TSPAN17: variants seen among roughly 807,000 people sequenced by gnomAD.
TSPAN17 encodes tetraspanin 17, also known as tetraspanin-17.
Under a neutral mutation model 40.5 loss-of-function variants are expected in TSPAN17, and 33 were observed. The observed-to-expected ratio is 0.81, with a 90% confidence interval of 0.62 to 1.09. The LOEUF is 1.09. Ranked by LOEUF, TSPAN17 falls within the 50% of genes least tolerant of loss-of-function variation. The pLI, the probability that TSPAN17 is intolerant of heterozygous loss-of-function variation, is 0.00. For synonymous variants in TSPAN17, 166 were observed against 169.4 expected (o/e 0.98, Z 0.15); for missense variants, 365 against 416.8 (o/e 0.88, Z 1.08).
rs1761068886 is a variant in TSPAN17 at position 176,654,297 on chromosome 5, G to T, written c.457-598G>T. ...CCTGCGCTGCTGCTCAGTGAGGGCT[G>T]TGTGCACCCGTGTGCCCCACAAGAC... On this transcript the variant is annotated intron_variant, in intron 4 of 8. Transcript: ENST00000508164. This position sits in a 1 kb window ranked among gnomAD's most constrained non-coding sequence, Gnocchi z 4.3. 1.9e-5 allele frequency: 3 copies of T among 154,214 alleles called. No individual in the cohort carries two copies. The highest frequency in any genetic ancestry group is 7.2e-5 in the African/African-American group (3 of 41,498). The allele number at this position is 154,214 out of a possible 1,614,324, so 9.6% of individuals were successfully genotyped here.
chr5:176,650,039 G>T lies in TSPAN17; in HGVS notation c.88-1577G>T, dbSNP rs1760905793. ...GTTTGCATCTGAGGTTTCCTTGTCT[G>T]CTCACTGACTGTCCATCTCCCCTGC... is the stretch of plus-strand genomic sequence containing the variant. On this transcript the variant is annotated intron_variant, in intron 1 of 8. Transcript: ENST00000508164. This position sits in a 1 kb window ranked among gnomAD's most constrained non-coding sequence, Gnocchi z 4.0. Among the ~76,000 whole-genome samples, 1 of 152,178 alleles carries T rather than the reference G, an allele frequency of 6.6e-6. No homozygotes were observed. Among genetic ancestry groups the T allele is most frequent in the Non-Finnish European group, 1.5e-5 (1 of 68,034 alleles).
chr5:176,656,793 T>G lies in TSPAN17; in HGVS notation c.724T>G (p.Phe242Val). The change falls in exon 7 of 9, where the codon TTC becomes GTC. Residue 242 changes from phenylalanine (F) to valine (V), a missense_variant. Transcript: ENST00000508164. ...QDNLIVVAGV[F>V]MGIALLQIFG... is the part of the protein sequence containing the mutation. Reference sequence around the variant, plus strand: ...CAACCTGATTGTGGTGGCGGGAGTCTTCATGGGCATCGCCCTCCTCCAGGT... The same window carrying G: ...CAACCTGATTGTGGTGGCGGGAGTCGTCATGGGCATCGCCCTCCTCCAGGT... 1 of 1,614,190 alleles carries G rather than the reference T, an allele frequency of 6.2e-7. No individual in the cohort carries two copies. Among genetic ancestry groups the G allele is most frequent in the East Asian group, 2.2e-5 (1 of 44,876 alleles).
At position 176,654,993 on chromosome 5, in the gene TSPAN17, C is replaced by G. The variant is rs1761098185; in HGVS notation, c.555C>G (p.Pro185=). ...CCAGCCGGGAGCGCTGCGGGGTGCC[C>G]TTCTCCTGCTGCGTCAGGGACCCTG... ...LNPSRERCGV[P]FSCCVRDPAE... is the part of the protein sequence containing the mutation. Residue 185 remains proline (P), a synonymous_variant, in exon 5 of 9, where the codon CCC becomes CCG. Coordinates refer to ENST00000508164, the MANE Select transcript of TSPAN17 (RefSeq NM_130465.5). The surrounding 1 kb of genome is among the most constrained non-coding windows in gnomAD (Gnocchi z 4.3). The G allele has an allele frequency of 1.9e-6, 3 of 1,609,340 alleles. No individual in the cohort carries two copies. The East Asian group carries it at 6.7e-5, about 36-fold the overall frequency.
In TSPAN17 at chr5:176,650,765, C is replaced by T. The variant is rs1425301249; in HGVS notation, c.88-851C>T. On this transcript the variant is annotated intron_variant, in intron 1 of 8. Coordinates refer to ENST00000508164, the MANE Select transcript of TSPAN17 (RefSeq NM_130465.5). This position sits in a 1 kb window ranked among gnomAD's most constrained non-coding sequence, Gnocchi z 4.0. ...ATAAAGCAGGTGGGTGGGGAGGTCGCAGGAGGTGGGGTCATGGCCCTGGGC... is the reference window on the plus strand; with the variant it reads ...ATAAAGCAGGTGGGTGGGGAGGTCGTAGGAGGTGGGGTCATGGCCCTGGGC... Among the ~76,000 whole-genome samples the T allele has an allele frequency of 6.6e-6, 1 of 152,108 alleles. No homozygotes were observed. The highest frequency in any genetic ancestry group is 2.4e-5 in the African/African-American group (1 of 41,426).
Position 176,659,003 on chromosome 5 carries a change from G to A in TSPAN17, c.*1305G>A, listed in dbSNP as rs75835282. 2,271 of 152,406 alleles carry A rather than the reference G, an allele frequency of 0.015. 77 individuals are homozygous for A. The highest frequency in any genetic ancestry group is 0.052 in the African/African-American group (2,146 of 41,588). 9.4% of individuals were successfully genotyped at this position (152,406 alleles called of 1,614,324 possible). The stretch of plus-strand genomic sequence containing the variant: ...CCAGTGTCCTGGGCCCCTGACAGGC[G>A]CTGGCTGTGAGTGGTTTGTACATGC... On this transcript the variant is annotated 3_prime_UTR_variant, in exon 9 of 9. Coordinates refer to ENST00000508164, the MANE Select transcript of TSPAN17 (RefSeq NM_130465.5).
intron 5 of TSPAN17, 148 bp downstream of exon 5, chr5:176,655,168 T>A: frequency 9.7e-7 from 1 of 1,032,302 alleles, no homozygotes; most frequent in South Asian, 1.7e-5. Context: ...CTGAGGCCTG[T>A]TGGGGCGCGG....
chr5:176,653,725 G>A, intron 4 of TSPAN17: 1 of 152,260 alleles, frequency 6.6e-6, no homozygotes, highest in Non-Finnish European at 1.5e-5. Context: ...AAGCAGAGCT[G>A]GTGCCTGCTT....
rs1371394512 is a variant in TSPAN17 at position 176,656,734 on chromosome 5, G to T, written c.665G>T (p.Gly222Val). ...CAGCAGGGCTTCATCCACACCAAAGGCTGCGTGGGCCAGTTTGAGAAGTGG... is the reference window on the plus strand; with the variant it reads ...CAGCAGGGCTTCATCCACACCAAAGTCTGCGTGGGCCAGTTTGAGAAGTGG... ...LEQQGFIHTK[G>V]CVGQFEKWLQ... The change falls in exon 7 of 9, where the codon GGC becomes GTC. Residue 222 changes from glycine to valine, a missense_variant. Physicochemically the swap from Gly to Val is moderately radical, Grantham distance 109. Transcript: ENST00000508164. The T allele has an allele frequency of 1.9e-6, 3 of 1,614,182 alleles. No homozygotes were observed. Among genetic ancestry groups the T allele is most frequent in the East Asian group, 2.2e-5 (1 of 44,880 alleles).
At position 176,657,725 on chromosome 5, in the gene TSPAN17, G is replaced by A; in HGVS notation, c.*27G>A. On this transcript the variant is annotated 3_prime_UTR_variant, in exon 9 of 9. Transcript: ENST00000508164. ...TTTCACATAAAAGTCCAGATCCACA[G>A]CTTCTCTTGAAGAATGACCACCTGG... The A allele has an allele frequency of 1.3e-6, 2 of 1,538,658 alleles. No individual in the cohort carries two copies. The highest frequency in any genetic ancestry group is 1.7e-6 in the Non-Finnish European group (2 of 1,147,022).
Position 176,647,624 on chromosome 5 carries a change from C to T in TSPAN17, c.9C>T (p.Gly3=), listed in dbSNP as rs1433648063. 5.1e-6 allele frequency: 8 copies of T among 1,579,034 alleles called. No individual in the cohort carries two copies. In the African/African-American group the frequency reaches 5.4e-5, roughly 11 times the overall value. Residue 3 remains glycine (G), a synonymous_variant, in exon 1 of 9, where the codon GGC becomes GGT. Transcript: ENST00000508164. The part of the protein sequence containing the change: MP[G]KHQHFQEPEV... The stretch of plus-strand genomic sequence containing the variant: ...GCGGGTGGCCGCTCACCATGCCCGG[C>T]AAGCACCAGCATTTCCAGGAACCTG...
intron 1 of TSPAN17, among the ~76,000 whole-genome samples, chr5:176,649,212 G>C (rs1390751788): frequency 6.6e-6 from 1 of 152,058 alleles, no homozygotes; most frequent in Non-Finnish European, 1.5e-5. Context: ...AAGCTGGGAT[G>C]GTGAGGTGGG....
In TSPAN17 at chr5:176,651,679, G is replaced by A. The variant is rs1581194017; in HGVS notation, c.138+13G>A. On this transcript the variant is annotated intron_variant, in intron 2 of 8. Transcript: ENST00000508164. This position sits in a 1 kb window ranked among gnomAD's most constrained non-coding sequence, Gnocchi z 4.5. ...CTGGGGTGAGAAGGTAAGGCAGCGG[G>A]CGGGCGTGGAGCTGGTATGGGACGA... is the stretch of plus-strand genomic sequence containing the variant. 6.2e-7 allele frequency: 1 copy of A among 1,614,036 alleles called. No individual in the cohort carries two copies. Among genetic ancestry groups the A allele is most frequent in the East Asian group, 2.2e-5 (1 of 44,884 alleles).
intron 6 of TSPAN17, among the ~76,000 whole-genome samples, chr5:176,656,415 G>A (rs1375005347): frequency 6.6e-6 from 1 of 152,200 alleles, no homozygotes; most frequent in African/African-American, 2.4e-5. Flanking sequence ...AGTGGAGGGA[G>A]AAAGACGGTA....
In TSPAN17 at chr5:176,651,113, C is replaced by G. The variant is rs1284224742; in HGVS notation, c.88-503C>G. 1.3e-5 allele frequency among the ~76,000 whole-genome samples: 2 copies of G among 152,038 alleles called. No homozygotes were observed. Among genetic ancestry groups the G allele is most frequent in the African/African-American group, 4.8e-5 (2 of 41,388 alleles). On this transcript the variant is annotated intron_variant, in intron 1 of 8. Transcript: ENST00000508164. This position sits in a 1 kb window ranked among gnomAD's most constrained non-coding sequence, Gnocchi z 4.5. ...CGTGAGCCGTGGAAGCTGACTCTGGCAGGCGGAGGTTAAAGGGGTAGGATG... is the reference window on the plus strand; with the variant it reads ...CGTGAGCCGTGGAAGCTGACTCTGGGAGGCGGAGGTTAAAGGGGTAGGATG...
intron 1 of TSPAN17, among the ~76,000 whole-genome samples, chr5:176,648,031 C>T (rs2113456771): frequency 6.6e-6 from 1 of 152,316 alleles, no homozygotes; most frequent in Admixed American, 6.5e-5. Context: ...CTCGCCCAGC[C>T]CTCCTTCCTA....
Position 176,651,752 on chromosome 5 carries a change from A to G in TSPAN17, c.139-2A>G, listed in dbSNP as rs1398610747. ...CACACCTGCCTCTGCTGCCCGGCAC[A>G]GGGCGTTCTCTCGAACATCTCAGCG... On this transcript the variant is annotated splice_acceptor_variant, in intron 2 of 8. Coordinates refer to ENST00000508164, the MANE Select transcript of TSPAN17 (RefSeq NM_130465.5). LOFTEE classifies it high-confidence loss of function. This position sits in a 1 kb window ranked among gnomAD's most constrained non-coding sequence, Gnocchi z 4.5. 1 of 1,614,146 alleles carries G rather than the reference A, an allele frequency of 6.2e-7. No homozygotes were observed. The highest frequency in any genetic ancestry group is 1.3e-5 in the African/African-American group (1 of 75,060).
chr5:176,652,330 T>C (rs2113467409), intron 3 of TSPAN17, among the ~76,000 whole-genome samples: 1 of 152,344 alleles, frequency 6.6e-6, no homozygotes, highest in Middle Eastern at 3.4e-3. Context: ...CCCAAAGTGC[T>C]TTAATTGCGT....
At chr5:176,656,436 G>C (rs1422829893) in intron 6 of TSPAN17, among the ~76,000 whole-genome samples, 1 of 152,164 alleles carries the variant, frequency 6.6e-6, no homozygotes, top group Non-Finnish European at 1.5e-5. Flanking sequence ...AGCCCTTAGA[G>C]AAAGCAATAT....
chr5:176,656,933 C>T lies in TSPAN17; in HGVS notation c.786C>T (p.Asp262=), dbSNP rs765901707. Residue 262 remains aspartate (D), a synonymous_variant, in exon 8 of 9, where the codon GAC becomes GAT. Coordinates refer to ENST00000508164, the MANE Select transcript of TSPAN17 (RefSeq NM_130465.5). ...GCCTGGCCCAGAACCTCGTGAGTGA[C>T]ATCAAGGCAGTGAAAGCCAACTGGT... ...GICLAQNLVS[D]IKAVKANWSK... 2 of 1,613,896 alleles carry T rather than the reference C, an allele frequency of 1.2e-6. No homozygotes were observed. Among genetic ancestry groups the T allele is most frequent in the African/African-American group, 2.7e-5 (2 of 74,938 alleles).
Sources: allele counts gnomAD v4.1 joint callset (sites outside exome capture counted in the v4.1 genomes callset), GRCh38; gene constraint gnomAD v4.1.1; non-coding constraint Gnocchi (gnomAD v3.1); transcripts MANE v1.5; gene names NCBI Gene and HGNC (gene_info 2026-07-23, HGNC 2026-07-21).